TMEFF2: variants seen among roughly 807,000 people sequenced by gnomAD.
The protein encoded by TMEFF2 is tomoregulin-2.
In TMEFF2, 28 loss-of-function variants were observed where a neutral mutation model predicts 53.8. The observed-to-expected ratio is 0.52, with a 90% confidence interval of 0.39 to 0.71. The LOEUF is 0.71. Ranked by LOEUF, TMEFF2 falls within the 30% of genes least tolerant of loss-of-function variation. The pLI is 0.00. For missense variants in TMEFF2, 353 were observed against 455.2 expected, an observed-to-expected ratio of 0.78 and a Z score of 2.04; for synonymous variants, 162 against 166.3, an observed-to-expected ratio of 0.97 and a Z score of 0.20.
At chr2:192,163,868 G>A (rs11678001) in intron 4 of TMEFF2, among the ~76,000 whole-genome samples, 40,666 of 151,880 alleles carry the variant, frequency 0.27, 5,550 homozygotes, top group Admixed American at 0.32. Flanking sequence ...CCTTCTTTGC[G>A]TTGGCATGTA....
intron 3 of TMEFF2, among the ~76,000 whole-genome samples, chr2:192,182,965 A>G (rs1691221786): frequency 6.6e-6 from 1 of 151,884 alleles, no homozygotes; most frequent in South Asian, 2.1e-4. Context: ...TTCCTATTGG[A>G]GAAGGCTGCC....
intron 4 of TMEFF2, among the ~76,000 whole-genome samples, chr2:192,107,625 C>A (rs1409615720): frequency 2.6e-5 from 4 of 151,644 alleles, no homozygotes; most frequent in Non-Finnish European, 4.4e-5. Context: ...AAACAAGGAG[C>A]TAAAGTTTTT....
At chr2:191,954,332 A>G (rs1691997012) in intron 8 of TMEFF2, among the ~76,000 whole-genome samples, 1 of 152,084 alleles carries the variant, frequency 6.6e-6, no homozygotes, top group South Asian at 2.1e-4. Context: ...TTTCTCGGTT[A>G]TCAGATATGT....
intron 3 of TMEFF2, among the ~76,000 whole-genome samples, chr2:192,180,386 AGTTGTCT>A (rs1691155875): frequency 6.6e-6 from 1 of 151,578 alleles, no homozygotes; most frequent in African/African-American, 2.4e-5. Flanking sequence ...AATTGGTCAA[AGTTGTCT>A]ATTTCTGGGA....
intron 4 of TMEFF2, among the ~76,000 whole-genome samples, chr2:192,143,098 A>G (rs1263014295): frequency 6.6e-6 from 1 of 152,172 alleles, no homozygotes; most frequent in African/African-American, 2.4e-5. Flanking sequence ...ACTATTAGAG[A>G]AATTAACTTG....
chr2:192,113,995 C>T (rs1220741184), intron 4 of TMEFF2, among the ~76,000 whole-genome samples: 1 of 151,576 alleles, frequency 6.6e-6, no homozygotes, highest in African/African-American at 2.4e-5. Context: ...CATTGACAAT[C>T]AAAACCGATA....
chr2:192,177,760 T>C (rs988516842), intron 4 of TMEFF2: 4 of 151,100 alleles, frequency 2.6e-5, no homozygotes, highest in East Asian at 1.9e-4. Flanking sequence ...AAGTTATACA[T>C]GTCATATTCA....
At chr2:192,052,803 CTT>C (rs1050433606) in intron 5 of TMEFF2, among the ~76,000 whole-genome samples, 7 of 152,162 alleles carry the variant, frequency 4.6e-5, no homozygotes, top group African/African-American at 1.7e-4. Flanking sequence ...ACACACATCC[CTT>C]CACACAGGTG....
chr2:192,187,968 A>G (rs1691356045), intron 2 of TMEFF2, among the ~76,000 whole-genome samples: 1 of 152,188 alleles, frequency 6.6e-6, no homozygotes, highest in African/African-American at 2.4e-5. Flanking sequence ...ATATATTGCC[A>G]GCACCTTCCA....
At chr2:192,092,416 C>A (rs1048710225) in intron 4 of TMEFF2, among the ~76,000 whole-genome samples, 4 of 151,986 alleles carry the variant, frequency 2.6e-5, no homozygotes, top group Non-Finnish European at 5.9e-5. Context: ...AAAAAGAAAT[C>A]TGGTGACTAT....
chr2:192,123,417 C>T (rs1689605841), intron 4 of TMEFF2, among the ~76,000 whole-genome samples: 1 of 152,034 alleles, frequency 6.6e-6, no homozygotes, highest in Non-Finnish European at 1.5e-5. Context: ...CATGGGAAGT[C>T]AATAACACTT....
chr2:192,152,413 T>C (rs191802143), intron 4 of TMEFF2, among the ~76,000 whole-genome samples: 3 of 151,834 alleles, frequency 2.0e-5, no homozygotes, highest in Admixed American at 2.0e-4. Flanking sequence ...TCTGACCTCA[T>C]GGAAGGTAGT....
In TMEFF2 at chr2:192,057,765, G is replaced by A. The variant is rs1378604312; in HGVS notation, c.450C>T (p.Gly150=). ...TCTCCTTTTGACTAGTTTCTCCAGA[G>A]CCTTCATGGACTGTAGGACAGAAAA... The part of the protein sequence containing the change: ...GSGSGDGVHE[G]SGETSQKETS... The change falls in exon 5 of 10, where the codon GGC becomes GGT. Residue 150 remains glycine (G), a synonymous_variant. Transcript: ENST00000272771. 1.9e-6 allele frequency: 3 copies of A among 1,613,670 alleles called. No homozygotes were observed. Among genetic ancestry groups the A allele is most frequent in the Non-Finnish European group, 2.5e-6 (3 of 1,179,648 alleles).
intron 4 of TMEFF2, among the ~76,000 whole-genome samples, chr2:192,131,688 C>A (rs1689834793): frequency 6.6e-6 from 1 of 152,144 alleles, no homozygotes; most frequent in South Asian, 2.1e-4. Flanking sequence ...GCCTCCTTCA[C>A]TATGGGCAAG....
chr2:192,163,594 A>G (rs1690684351), intron 4 of TMEFF2, among the ~76,000 whole-genome samples: 1 of 152,222 alleles, frequency 6.6e-6, no homozygotes, highest in Non-Finnish European at 1.5e-5. Flanking sequence ...TCATCAATAT[A>G]CTCAGGCTTT....
chr2:192,122,533 TA>T (rs1477418678), intron 4 of TMEFF2, among the ~76,000 whole-genome samples: 1 of 152,178 alleles, frequency 6.6e-6, no homozygotes, highest in Non-Finnish European at 1.5e-5. Context: ...ATATGATTTT[TA>T]AGGTATTTTA....
chr2:192,116,605 T>C (rs1689412559), intron 4 of TMEFF2, among the ~76,000 whole-genome samples: 1 of 152,058 alleles, frequency 6.6e-6, no homozygotes, highest in South Asian at 2.1e-4. Context: ...ATAAAGGAAA[T>C]AATTTTGTAG....
At chr2:191,982,145 A>G (rs1457499474) in intron 7 of TMEFF2, among the ~76,000 whole-genome samples, 1 of 128,112 alleles carries the variant, frequency 7.8e-6, no homozygotes, top group Admixed American at 7.9e-5. Flanking sequence ...CCATATCCAT[A>G]TTTATGCAAA....
At chr2:192,003,580 A>G (rs1268014912) in intron 5 of TMEFF2, among the ~76,000 whole-genome samples, 1 of 152,220 alleles carries the variant, frequency 6.6e-6, no homozygotes, top group African/African-American at 2.4e-5. Context: ...TAGTTTTAAG[A>G]CATTGCAAAT....
Sources: gnomAD v4.1 joint callset for allele counts (sites outside exome capture counted in the v4.1 genomes callset) on GRCh38, gnomAD v4.1.1 for gene constraint, MANE v1.5 for transcripts, NCBI Gene and HGNC (gene_info 2026-07-23, HGNC 2026-07-21) for gene names.